Variants in EIF4E observed in about 807,000 individuals in gnomAD.
EIF4E encodes the protein eIF-4F 25 kDa subunit.
For synonymous variants in EIF4E, 71 were observed against 88.5 expected, an observed-to-expected ratio of 0.80 and a Z score of 1.11; for missense variants, 113 against 265.6, an observed-to-expected ratio of 0.43 and a Z score of 3.99.
At chr4:98,927,695 A>C (rs1027421638) in intron 1 of EIF4E, among the ~76,000 whole-genome samples, 1 of 150,792 alleles carries the variant, frequency 6.6e-6, no homozygotes, top group Non-Finnish European at 1.5e-5. Flanking sequence ...AAGTCTTTAA[A>C]AGTCAAAGCA....
chr4:98,896,213 T>TAAAAG (rs1724378957), intron 2 of EIF4E, among the ~76,000 whole-genome samples: 2 of 150,576 alleles, frequency 1.3e-5, no homozygotes, highest in African/African-American at 4.9e-5. Context: ...TAAAATAAAA[T>TAAAAG]AAAATAAAAT....
chr4:98,886,986 T>C, intron 5 of EIF4E, 93 bp downstream of exon 5: 1 of 800,956 alleles, frequency 1.2e-6, no homozygotes, highest in East Asian at 2.3e-5. Flanking sequence ...CATCCTTCTC[T>C]TAAATTAAGT....
chr4:98,910,146 T>A (rs1272058133), intron 1 of EIF4E, among the ~76,000 whole-genome samples: 1 of 152,220 alleles, frequency 6.6e-6, no homozygotes, highest in Non-Finnish European at 1.5e-5. Context: ...TAATCTGGCA[T>A]CACTCATGAA....
At chr4:98,881,924 T>C (rs896441686) in intron 6 of EIF4E, among the ~76,000 whole-genome samples, 2 of 152,192 alleles carry the variant, frequency 1.3e-5, no homozygotes, top group African/African-American at 4.8e-5. Flanking sequence ...TAGAGAAGTC[T>C]TCCCCTTTAA....
chr4:98,900,125 G>A (rs1283522265), intron 2 of EIF4E, among the ~76,000 whole-genome samples: 1 of 150,996 alleles, frequency 6.6e-6, no homozygotes, highest in Non-Finnish European at 1.5e-5. Flanking sequence ...TTCACAGACA[G>A]CTAGAAGATA....
chr4:98,898,310 T>TAA (rs1315312985), intron 2 of EIF4E, among the ~76,000 whole-genome samples: 2 of 152,192 alleles, frequency 1.3e-5, no homozygotes, highest in African/African-American at 4.8e-5. Context: ...AGTTGACTTC[T>TAA]AAGACGGCAA....
At position 98,929,046 on chromosome 4, in the gene EIF4E, A is replaced by G. The variant is rs781199651; in HGVS notation, c.18+49T>C. 4.4e-6 allele frequency: 7 copies of G among 1,574,186 alleles called. No homozygotes were observed. In the African/African-American group the frequency reaches 5.4e-5, roughly 12 times the overall value. ...CCGCGGAGTCCCCCAGTCAGAAGGA[A>G]GACGGAGCGCGGGGACCCGTGGGGG... On this transcript the variant is annotated intron_variant, in intron 1 of 6. Coordinates refer to ENST00000450253, the MANE Select transcript of EIF4E (RefSeq NM_001968.5).
intron 1 of EIF4E, among the ~76,000 whole-genome samples, chr4:98,919,509 C>T (rs929407417): frequency 2.0e-5 from 3 of 151,064 alleles, no homozygotes; most frequent in East Asian, 1.9e-4. Flanking sequence ...GAACTAAATA[C>T]AATATGTATA....
At chr4:98,928,884 C>A (rs1295311932) in intron 1 of EIF4E, 3 of 1,549,596 alleles carry the variant, frequency 1.9e-6, no homozygotes, top group African/African-American at 1.4e-5. Context: ...CCCCAGTTCT[C>A]GGGCCCCCAC....
At chr4:98,928,924 C>A in intron 1 of EIF4E, 171 bp downstream of exon 1, 1 of 1,572,286 alleles carries the variant, frequency 6.4e-7, no homozygotes, top group Non-Finnish European at 8.6e-7. Flanking sequence ...GCCGCCTCGG[C>A]CATCCTCCGG....
At chr4:98,911,283 C>T (rs1401024312) in intron 1 of EIF4E, among the ~76,000 whole-genome samples, 4 of 150,326 alleles carry the variant, frequency 2.7e-5, no homozygotes, top group South Asian at 2.1e-4. Flanking sequence ...CTCCTGACCT[C>T]GTGATTCACC....
At chr4:98,902,978 T>C (rs527411271) in intron 1 of EIF4E, among the ~76,000 whole-genome samples, 1 of 152,346 alleles carries the variant, frequency 6.6e-6, no homozygotes. Flanking sequence ...CAACTTAATA[T>C]TTTCAATGGA....
chr4:98,883,250 C>A (rs2110174466), intron 6 of EIF4E, among the ~76,000 whole-genome samples: 1 of 152,028 alleles, frequency 6.6e-6, no homozygotes, highest in Non-Finnish European at 1.5e-5. Flanking sequence ...CCAGCCTGGG[C>A]AACAGAGTGT....
At chr4:98,910,795 T>C (rs1725091489) in intron 1 of EIF4E, among the ~76,000 whole-genome samples, 1 of 151,992 alleles carries the variant, frequency 6.6e-6, no homozygotes, top group African/African-American at 2.4e-5. Context: ...AGTGGCATGA[T>C]CTCGGCTCAC....
chr4:98,884,703 A>C (rs77077471), intron 6 of EIF4E, among the ~76,000 whole-genome samples: 14,362 of 152,032 alleles, frequency 0.094, 917 homozygotes, highest in South Asian at 0.18. Context: ...GTGAGACTCT[A>C]TCTCTAAATA....
intron 6 of EIF4E, among the ~76,000 whole-genome samples, chr4:98,882,921 TG>T (rs1280435453): frequency 6.6e-6 from 1 of 152,188 alleles, no homozygotes; most frequent in African/African-American, 2.4e-5. Flanking sequence ...TTTTCTCTTA[TG>T]GAACCCCATA....
intron 3 of EIF4E, among the ~76,000 whole-genome samples, chr4:98,890,090 G>T (rs1363709504): frequency 6.6e-6 from 1 of 152,208 alleles, no homozygotes; most frequent in Non-Finnish European, 1.5e-5. Flanking sequence ...GGTTTTAATC[G>T]TATGCTTTGC....
intron 2 of EIF4E, among the ~76,000 whole-genome samples, chr4:98,901,204 T>A (rs1429395616): frequency 6.6e-6 from 1 of 151,678 alleles, no homozygotes; most frequent in Non-Finnish European, 1.5e-5. Context: ...CTGTCTCTTT[T>A]TTTTTTTTTT....
At chr4:98,923,540 G>A (rs1451953369) in intron 1 of EIF4E, among the ~76,000 whole-genome samples, 1 of 152,004 alleles carries the variant, frequency 6.6e-6, no homozygotes, top group African/African-American at 2.4e-5. Context: ...CTCAAACTCC[G>A]GGCTCAAGTG....
Sources: gnomAD v4.1 joint callset for allele counts (sites outside exome capture counted in the v4.1 genomes callset) on GRCh38, gnomAD v4.1.1 for gene constraint, MANE v1.5 for transcripts, NCBI Gene and HGNC (gene_info 2026-07-23, HGNC 2026-07-21) for gene names.